The following IL1RAPL1 variants were observed in gnomAD, a reference collection of about 807,000 sequenced individuals.
IL1RAPL1 encodes interleukin-1 receptor accessory protein-like 1.
Under a neutral mutation model 48.4 loss-of-function variants are expected in IL1RAPL1, and 3 were observed. The observed-to-expected ratio is 0.06, with a 90% CI of 0.03 to 0.16. The LOEUF (loss-of-function observed/expected upper bound fraction) is 0.16. Ranked by LOEUF, IL1RAPL1 falls within the 10% of genes least tolerant of loss-of-function variation. The pLI is 1.00. For missense variants in IL1RAPL1, 349 were observed against 530.6 expected (o/e 0.66, Z 3.36); for synonymous variants, 185 against 187.7 (o/e 0.99, Z 0.12).
At chrX:28,934,867 T>C (rs1923975320) in intron 2 of IL1RAPL1, among the ~76,000 whole-genome samples, 1 of 111,974 alleles carries the variant, frequency 8.9e-6, no homozygotes, top group Admixed American at 9.5e-5. Context: ...TTGATGTGTT[T>C]TTCTGTCTTT....
intron 5 of IL1RAPL1, among the ~76,000 whole-genome samples, chrX:29,644,556 T>G (rs1216345080): frequency 4.7e-5 from 5 of 106,291 alleles, no homozygotes; most frequent in Non-Finnish European, 9.7e-5. Context: ...GTTTTTTTTT[T>G]TGTTTTGTTT....
At chrX:29,740,589 A>G (rs1399775759) in intron 6 of IL1RAPL1, among the ~76,000 whole-genome samples, 5 of 110,985 alleles carry the variant, frequency 4.5e-5, no homozygotes, top group Non-Finnish European at 9.4e-5. Context: ...CTTAGCTTCT[A>G]CTAGCCTTTC....
chrX:29,258,153 CA>C (rs1190996379), intron 2 of IL1RAPL1, among the ~76,000 whole-genome samples: 6 of 110,392 alleles, frequency 5.4e-5, no homozygotes, highest in African/African-American at 2.0e-4. Context: ...TAGCAGGTGA[CA>C]AAAAAGCTGC....
At chrX:29,664,431 GA>G (rs1303465326) in intron 5 of IL1RAPL1, among the ~76,000 whole-genome samples, 2 of 109,478 alleles carry the variant, frequency 1.8e-5, no homozygotes, top group East Asian at 5.7e-4. Context: ...AAAGTGAAGG[GA>G]ACTAGTTAAA....
At chrX:28,769,098 A>T (rs763801818) in intron 1 of IL1RAPL1, among the ~76,000 whole-genome samples, 14 of 108,479 alleles carry the variant, frequency 1.3e-4, no homozygotes, top group African/African-American at 4.7e-4. Context: ...AAAAGAAATG[A>T]TGGTGTAAGA....
chrX:29,724,226 G>A (rs1395119314), intron 6 of IL1RAPL1, among the ~76,000 whole-genome samples: 1 of 111,530 alleles, frequency 9.0e-6, no homozygotes, highest in Non-Finnish European at 1.9e-5. Context: ...TCTGCTCCCA[G>A]ATCCTCCTCA....
chrX:29,887,977 T>C (rs1932200748), intron 6 of IL1RAPL1, among the ~76,000 whole-genome samples: 1 of 111,350 alleles, frequency 9.0e-6, no homozygotes, highest in South Asian at 3.8e-4. Flanking sequence ...ACCAAACAAT[T>C]TATAACCCCC....
At chrX:29,226,817 A>G (rs1028706993) in intron 2 of IL1RAPL1, among the ~76,000 whole-genome samples, 1 of 111,577 alleles carries the variant, frequency 9.0e-6, no homozygotes, top group African/African-American at 3.3e-5. Flanking sequence ...TTAATACTAC[A>G]AATACTTATT....
intron 5 of IL1RAPL1, among the ~76,000 whole-genome samples, chrX:29,537,310 A>G (rs1176510852): frequency 9.0e-6 from 1 of 111,143 alleles, no homozygotes; most frequent in African/African-American, 3.3e-5. Context: ...AAAAGAGGAG[A>G]GCAGTGAAGA....
At chrX:28,778,057 C>T (rs1319687119) in intron 1 of IL1RAPL1, among the ~76,000 whole-genome samples, 1 of 111,596 alleles carries the variant, frequency 9.0e-6, no homozygotes, top group Non-Finnish European at 1.9e-5. Context: ...TTTGAAATCT[C>T]CCCAAGTGAT....
intron 3 of IL1RAPL1, among the ~76,000 whole-genome samples, chrX:29,290,910 C>A (rs770808797): frequency 2.0e-4 from 22 of 112,017 alleles, no homozygotes; most frequent in African/African-American, 6.8e-4. Context: ...AAGGAGAAGA[C>A]TTTACAAGGG....
At chrX:29,368,780 G>C (rs1277262298) in intron 3 of IL1RAPL1, among the ~76,000 whole-genome samples, 2 of 108,662 alleles carry the variant, frequency 1.8e-5, no homozygotes, top group Non-Finnish European at 3.8e-5. Context: ...AAAACATAAA[G>C]TAGGACTCAG....
rs183359263 is a variant in IL1RAPL1, at chrX:29,246,143, C to G, written c.83-36795C>G. 4.9e-4 allele frequency among the ~76,000 whole-genome samples: 46 copies of G among 93,850 alleles called. 1 individual carries two copies. The highest frequency in any genetic ancestry group is 1.6e-3 in the African/African-American group (40 of 25,575). 81.5% of individuals were successfully genotyped at this position (93,850 alleles called of 115,157 possible). A position where few individuals can be genotyped will look rare whatever the true frequency, so the allele number is the denominator to read the frequency against. ...AAGAATCAGATTTGTTGTCATCTCT[C>G]ATCGCTCTTTTTTTTTTTTTTTTTT... On this transcript the variant is annotated intron_variant, in intron 2 of 10. Transcript: ENST00000378993.
intron 1 of IL1RAPL1, among the ~76,000 whole-genome samples, chrX:28,605,124 C>T (rs908957414): frequency 1.8e-5 from 2 of 111,874 alleles, no homozygotes; most frequent in African/African-American, 6.5e-5. Context: ...TCTTCTCAGT[C>T]TACACTCACC....
At chrX:28,909,043 ATTCT>A (rs1356917237) in intron 2 of IL1RAPL1, among the ~76,000 whole-genome samples, 1 of 110,833 alleles carries the variant, frequency 9.0e-6, no homozygotes, top group Non-Finnish European at 1.9e-5. Context: ...ATGCGATATC[ATTCT>A]TTATTCTTTT....
At chrX:29,143,472 A>T (rs1827311905) in intron 2 of IL1RAPL1, among the ~76,000 whole-genome samples, 1 of 111,798 alleles carries the variant, frequency 8.9e-6, no homozygotes, top group South Asian at 3.7e-4. Context: ...TAAACAGAAA[A>T]TTCCAGAACC....
intron 2 of IL1RAPL1, among the ~76,000 whole-genome samples, chrX:29,141,452 T>A (rs909157007): frequency 4.5e-5 from 5 of 111,592 alleles, no homozygotes; most frequent in African/African-American, 1.6e-4. Context: ...CCATTGATGG[T>A]GTTTTGAAAA....
At chrX:29,703,861 C>T (rs1026592934) in intron 6 of IL1RAPL1, among the ~76,000 whole-genome samples, 2 of 111,552 alleles carry the variant, frequency 1.8e-5, no homozygotes, top group Admixed American at 1.9e-4. Context: ...AAATAATTAT[C>T]TTCAGAAATA....
chrX:29,004,422 T>C (rs890745601), intron 2 of IL1RAPL1, among the ~76,000 whole-genome samples: 2 of 111,773 alleles, frequency 1.8e-5, no homozygotes, highest in African/African-American at 6.5e-5. Flanking sequence ...ACAGATGAAA[T>C]GCACTCTGTC....
Sources: gnomAD v4.1 joint callset for allele counts (sites outside exome capture counted in the v4.1 genomes callset) on GRCh38, gnomAD v4.1.1 for gene constraint, MANE v1.5 for transcripts, NCBI Gene and HGNC (gene_info 2026-07-23, HGNC 2026-07-21) for gene names.